ISX: variants seen among roughly 807,000 people sequenced by gnomAD.
The protein encoded by ISX is intestine-specific homeobox.
A neutral mutation model predicts 16.9 loss-of-function variants in ISX; 15 were observed. That is an observed-to-expected ratio of 0.89 (90% CI 0.59 to 1.36). ISX has a LOEUF of 1.36. Among genes scored for constraint, ISX ranks in the 40% most tolerant of loss-of-function variants. ISX has a pLI of 0.00. For missense variants in ISX, 316 were observed against 306.1 expected, an observed-to-expected ratio of 1.03 and a Z score of -0.24; for synonymous variants, 125 against 119.7, an observed-to-expected ratio of 1.04 and a Z score of -0.29.
At chr22:35,070,934 A>G (rs926783967) in intron 2 of ISX, among the ~76,000 whole-genome samples, 1 of 152,216 alleles carries the variant, frequency 6.6e-6, no homozygotes, top group African/African-American at 2.4e-5. Flanking sequence ...GCTGAAACTC[A>G]TCTGTAGACA....
chr22:35,081,624 G>A lies in ISX; in HGVS notation c.230-894G>A, dbSNP rs1368669283. Among the ~76,000 whole-genome samples the A allele has an allele frequency of 2.0e-5, 3 of 152,098 alleles. No homozygotes were observed. In the South Asian group the frequency reaches 6.2e-4, roughly 32 times the overall value. ...TCCATCTTGGTGGGGAAGGGAACTG[G>A]GCAGGGGTTCATGGAGGGTTGAGGT... On this transcript the variant is annotated intron_variant, in intron 2 of 4. Transcript: ENST00000404699.
rs180809144 is a variant in ISX at position 35,067,809 on chromosome 22, A to G, written c.229+493A>G. On this transcript the variant is annotated intron_variant, in intron 2 of 4. Coordinates refer to ENST00000404699, the MANE Select transcript of ISX (RefSeq NM_001303508.2). ...CAGCACAGTCTCCTCCTCATAAGCC[A>G]AGTTCAGTCTGCACAACTTCCAGGG... Among the ~76,000 whole-genome samples, 5 of 152,290 alleles carry G rather than the reference A, an allele frequency of 3.3e-5. No homozygotes were observed. The East Asian group carries it at 7.7e-4, about 23-fold the overall frequency.
intron 1 of ISX, 115 bp from the exon 2 acceptor site, chr22:35,066,633 CAGAG>C (rs1928705573): frequency 6.1e-6 from 1 of 163,972 alleles, no homozygotes; most frequent in East Asian, 1.8e-4. Flanking sequence ...GGCCAGAAGC[CAGAG>C]AAAGGGCAAA....
intron 2 of ISX, among the ~76,000 whole-genome samples, chr22:35,075,159 A>G (rs1928949536): frequency 6.6e-6 from 1 of 152,252 alleles, no homozygotes. Flanking sequence ...CCTTCAGAGA[A>G]GTAGTGGCTT....
At chr22:35,082,775 T>C (rs1030310196) in intron 3 of ISX, 106 bp downstream of exon 3, 18 of 1,196,846 alleles carry the variant, frequency 1.5e-5, no homozygotes, top group Non-Finnish European at 2.1e-5. Flanking sequence ...AAAGTTTCTG[T>C]TGGCTTTATC....
At chr22:35,078,783 A>G (rs1461260389) in intron 2 of ISX, among the ~76,000 whole-genome samples, 1 of 152,252 alleles carries the variant, frequency 6.6e-6, no homozygotes. Flanking sequence ...GGCTTCCCAG[A>G]GAGAAATCTC....
chr22:35,083,580 G>A lies in ISX; in HGVS notation c.382-803G>A, dbSNP rs79249171. ...TTCCACCAGATCTCACTGTGGCACC[G>A]TTAGCATTCTCTCTAAAATAGTTCT... is the stretch of plus-strand genomic sequence containing the variant. On this transcript the variant is annotated intron_variant, in intron 3 of 4. Coordinates refer to ENST00000404699, the MANE Select transcript of ISX (RefSeq NM_001303508.2). 9.0e-3 allele frequency among the ~76,000 whole-genome samples: 1,365 copies of A among 152,318 alleles called. 21 individuals carry two copies. Among genetic ancestry groups the A allele is most frequent in the African/African-American group, 0.031 (1,282 of 41,564 alleles).
chr22:35,085,634 C>G lies in ISX; in HGVS notation c.679C>G (p.Leu227Val). ...LPIHQTCIPV[L>V]CILPPPHPKW... ...CATCCATCAAACTTGCATCCCTGTGCTATGCATCCTTCCACCTCCACACCC... is the reference window on the plus strand; with the variant it reads ...CATCCATCAAACTTGCATCCCTGTGGTATGCATCCTTCCACCTCCACACCC... The change falls in exon 5 of 5, where the codon CTA becomes GTA. Residue 227 changes from leucine (L) to valine (V), a missense_variant. Physicochemically the swap from Leu to Val is conservative, Grantham distance 32. Transcript: ENST00000404699. 1 of 1,614,166 alleles carries G rather than the reference C, an allele frequency of 6.2e-7. No individual in the cohort carries two copies. The highest frequency in any genetic ancestry group is 8.5e-7 in the Non-Finnish European group (1 of 1,179,972).
intron 2 of ISX, among the ~76,000 whole-genome samples, chr22:35,076,415 T>C (rs1928980766): frequency 6.6e-6 from 1 of 152,204 alleles, no homozygotes; most frequent in South Asian, 2.1e-4. Context: ...TTGTTCCCTG[T>C]GGGCACAGGG....
intron 4 of ISX, among the ~76,000 whole-genome samples, chr22:35,084,766 C>A (rs559264708): frequency 1.3e-5 from 2 of 152,276 alleles, no homozygotes; most frequent in African/African-American, 4.8e-5. Flanking sequence ...GTTTACAAAA[C>A]AGGATCACAG....
chr22:35,076,645 C>T (rs540945703), intron 2 of ISX, among the ~76,000 whole-genome samples: 14 of 152,274 alleles, frequency 9.2e-5, no homozygotes, highest in African/African-American at 2.6e-4. Context: ...CAAAGTCCCC[C>T]GGGCCTTTAG....
chr22:35,076,879 C>T (rs73168062), intron 2 of ISX, among the ~76,000 whole-genome samples: 22,867 of 152,166 alleles, frequency 0.15, 2,279 homozygotes, highest in African/African-American at 0.29. Context: ...CCATTAACAA[C>T]GGGGAGAGGA....
chr22:35,085,529 C>G lies in ISX; in HGVS notation c.574C>G (p.Leu192Val). ...TSCCPSAQDQ[L>V]ASAWFPAWIT... ...CTGTTGTCCATCGGCTCAAGATCAGCTGGCCTCTGCCTGGTTCCCTGCCTG... is the reference window on the plus strand; with the variant it reads ...CTGTTGTCCATCGGCTCAAGATCAGGTGGCCTCTGCCTGGTTCCCTGCCTG... The change falls in exon 5 of 5, where the codon CTG (leucine) becomes GTG (valine). Residue 192 changes from leucine to valine, a missense_variant. By Grantham distance (32) the Leu-to-Val change is conservative. Transcript: ENST00000404699. The G allele has an allele frequency of 1.2e-6, 2 of 1,614,204 alleles. No individual in the cohort carries two copies. Among genetic ancestry groups the G allele is most frequent in the Non-Finnish European group, 1.7e-6 (2 of 1,180,024 alleles).
At chr22:35,078,812 A>C (rs1458572081) in intron 2 of ISX, among the ~76,000 whole-genome samples, 1 of 152,214 alleles carries the variant, frequency 6.6e-6, no homozygotes, top group Admixed American at 6.5e-5. Flanking sequence ...TGTCCCTTTC[A>C]CCAAGTAAAC....
Position 35,087,232 on chromosome 22 carries a change from C to G in ISX, c.*1539C>G, listed in dbSNP as rs1001676350. 6.6e-6 allele frequency: 1 copy of G among 152,242 alleles called. No individual in the cohort carries two copies. The highest frequency in any genetic ancestry group is 2.4e-5 in the African/African-American group (1 of 41,454). 9.4% of individuals were successfully genotyped at this position (152,242 alleles called of 1,614,324 possible). A position where few individuals can be genotyped will look rare whatever the true frequency, so the allele number is the denominator to read the frequency against. ...ATGAATGTGGATATCAACACCAGGT[C>G]TCTAGCACCGCTGGATGAAAGGAGA... On this transcript the variant is annotated 3_prime_UTR_variant, in exon 5 of 5. Transcript: ENST00000404699.
chr22:35,072,483 A>G (rs1459000727), intron 2 of ISX, among the ~76,000 whole-genome samples: 1 of 152,248 alleles, frequency 6.6e-6, no homozygotes, highest in African/African-American at 2.4e-5. Flanking sequence ...CATACTCCCT[A>G]GAATTATCCA....
At chr22:35,078,356 C>G (rs1929038075) in intron 2 of ISX, among the ~76,000 whole-genome samples, 1 of 152,054 alleles carries the variant, frequency 6.6e-6, no homozygotes, top group Admixed American at 6.5e-5. Flanking sequence ...ATTCACTGAG[C>G]TCTTGGAATG....
At chr22:35,080,947 A>T (rs1206976771) in intron 2 of ISX, among the ~76,000 whole-genome samples, 1 of 152,176 alleles carries the variant, frequency 6.6e-6, no homozygotes, top group Non-Finnish European at 1.5e-5. Context: ...TCACCATATG[A>T]TGAGTGCTTC....
rs905152801 is a variant in ISX at position 35,082,682 on chromosome 22, C to T, written c.381+13C>T. On this transcript the variant is annotated intron_variant, in intron 3 of 4. Coordinates refer to ENST00000404699, the MANE Select transcript of ISX (RefSeq NM_001303508.2). ...AGCTCGGGTGCAGGTACAGCCATCCCTACCTCAGCCCCCAGCCTCCATGCC... is the reference window on the plus strand; with the variant it reads ...AGCTCGGGTGCAGGTACAGCCATCCTTACCTCAGCCCCCAGCCTCCATGCC... The T allele has an allele frequency of 6.2e-7, 1 of 1,613,720 alleles. No homozygotes were observed. Among genetic ancestry groups the T allele is most frequent in the Non-Finnish European group, 8.5e-7 (1 of 1,179,884 alleles).
Sources: gnomAD v4.1 joint callset for allele counts (sites outside exome capture counted in the v4.1 genomes callset) on GRCh38, gnomAD v4.1.1 for gene constraint, MANE v1.5 for transcripts, NCBI Gene and HGNC (gene_info 2026-07-23, HGNC 2026-07-21) for gene names.